The following NPHP4 variants were observed in gnomAD, a reference collection of about 807,000 sequenced individuals.
NPHP4 encodes the protein nephrocystin 4, also known as nephrocystin-4.
NPHP4 carries 151 observed loss-of-function variants against 155.8 expected under a neutral mutation model. The ratio of observed to expected loss-of-function variants is 0.97; its 90% CI spans 0.85 to 1.11. The LOEUF (loss-of-function observed/expected upper bound fraction) is 1.11, where lower values mean the gene tolerates loss of function less well. NPHP4 is among the 50% of genes least tolerant of loss of function. The probability of loss-of-function intolerance (pLI) is 0.00; values close to 1 mark genes in which losing one functional copy is unlikely to be tolerated. For synonymous variants in NPHP4, 845 were observed against 816.8 expected, an observed-to-expected ratio of 1.03 and a Z score of -0.59; for missense variants, 1,956 against 1,925.7, an observed-to-expected ratio of 1.02 and a Z score of -0.29.
At chr1:5,866,097 G>A in intron 26 of NPHP4, 1 of 506,528 alleles carries the variant, frequency 2.0e-6, no homozygotes, top group African/African-American at 1.9e-5. Context: ...GGTGGCCCTT[G>A]CCACTATCTG....
At chr1:5,897,813 T>C (rs940703847) in intron 16 of NPHP4, among the ~76,000 whole-genome samples, 1 of 152,218 alleles carries the variant, frequency 6.6e-6, no homozygotes, top group Non-Finnish European at 1.5e-5. Context: ...ATTGCACATA[T>C]ATAAAAGGGT....
At chr1:5,945,518 C>T (rs934610500) in intron 9 of NPHP4, among the ~76,000 whole-genome samples, 5 of 152,122 alleles carry the variant, frequency 3.3e-5, no homozygotes, top group Admixed American at 1.3e-4. Context: ...TCATAGGGAC[C>T]GGAGGCATGG....
At position 5,957,384 on chromosome 1, in the gene NPHP4, C is replaced by T. The variant is rs542097580; in HGVS notation, c.673+4410G>A. Among the ~76,000 whole-genome samples, 11 of 152,332 alleles carry T rather than the reference C, an allele frequency of 7.2e-5. No individual in the cohort carries two copies. In the South Asian group the frequency reaches 1.2e-3, roughly 17 times the overall value. On this transcript the variant is annotated intron_variant, in intron 6 of 29. Transcript: ENST00000378156. ...CTAGGCCCTAACGGGCTCCCACAGC[C>T]CACAGCCTCTTGGGGACACAGCTCT... is the stretch of plus-strand genomic sequence containing the variant.
chr1:5,964,224 G>C (rs999093944), intron 5 of NPHP4, among the ~76,000 whole-genome samples: 2 of 152,212 alleles, frequency 1.3e-5, no homozygotes, highest in East Asian at 3.8e-4. Context: ...TTCTGTGTCC[G>C]TAAAACGACC....
intron 3 of NPHP4, among the ~76,000 whole-genome samples, chr1:5,970,809 G>C (rs1254701340): frequency 6.6e-6 from 1 of 151,874 alleles, no homozygotes; most frequent in Non-Finnish European, 1.5e-5. Context: ...TGTAATCACA[G>C]ACTGTCAGCC....
At position 5,887,369 on chromosome 1, in the gene NPHP4, T is replaced by TCTC. The variant is rs1344769833; in HGVS notation, c.2399_2401dup (p.Gly800dup). On this transcript the variant is annotated inframe_insertion, in exon 18 of 30. Coordinates refer to ENST00000378156, the MANE Select transcript of NPHP4 (RefSeq NM_015102.5). The stretch of plus-strand genomic sequence containing the variant: ...CTTGACGCGGCCAAACCCCAGCATG[T>TCTC]CTCCACTCACCACCATGTTGTCCTG... The TCTC allele has an allele frequency of 1.9e-6, 3 of 1,613,542 alleles. No individual in the cohort carries two copies. Among genetic ancestry groups the TCTC allele is most frequent in the Non-Finnish European group, 2.5e-6 (3 of 1,179,886 alleles).
chr1:5,977,626 T>C (rs1257652291), intron 3 of NPHP4, among the ~76,000 whole-genome samples: 8 of 151,358 alleles, frequency 5.3e-5, no homozygotes, highest in Admixed American at 5.3e-4. Flanking sequence ...GAGCAGGTGC[T>C]GAATGGAATG....
chr1:5,933,395 A>G (rs1354055963), intron 9 of NPHP4, 66 bp from the exon 10 acceptor site: 1 of 1,318,584 alleles, frequency 7.6e-7, no homozygotes, highest in Admixed American at 1.9e-5. Flanking sequence ...AGGGGAAATC[A>G]ACAGTGCTTT....
intron 11 of NPHP4, among the ~76,000 whole-genome samples, chr1:5,919,280 CCCA>C (rs1645621244): frequency 6.6e-6 from 1 of 152,118 alleles, no homozygotes; most frequent in Non-Finnish European, 1.5e-5. Context: ...TGTAAAACTC[CCCA>C]CAAGTCATTC....
intron 9 of NPHP4, among the ~76,000 whole-genome samples, chr1:5,934,229 T>TA (rs576468963): frequency 2.0e-5 from 3 of 151,962 alleles, no homozygotes; most frequent in Non-Finnish European, 4.4e-5. Context: ...GGAGCACACT[T>TA]AAGTCACCAG....
rs568072796 is a variant in NPHP4, at chr1:5,956,336, A to G, written c.674-3500T>C. Among the ~76,000 whole-genome samples, 336 of 152,340 alleles carry G rather than the reference A, an allele frequency of 2.2e-3. 2 individuals are homozygous for G. The highest frequency in any genetic ancestry group is 7.6e-3 in the African/African-American group (314 of 41,572). ...CACCCCCAGGAGCAAAAGCCATTCC[A>G]ATAGTTGTGACCCTGGTCTGCACAG... On this transcript the variant is annotated intron_variant, in intron 6 of 29. Transcript: ENST00000378156.
At position 5,863,326 on chromosome 1, in the gene NPHP4, T is replaced by C. The variant is rs373315843; in HGVS notation, c.4220A>G (p.Tyr1407Cys). ...GTTTTTGTCCTCATGGTCATTGATG[T>C]AGATCAGGATCTCCTCCTCACCCAC... ...QRVGEEEILI[Y>C]INDHEDKNEE... The change falls in exon 30 of 30, where the codon TAC (tyrosine) becomes TGC (cysteine). Residue 1407 changes from tyrosine to cysteine, a missense_variant. Physicochemically the swap from Tyr to Cys is radical, Grantham distance 194. Transcript: ENST00000378156. 2.5e-6 allele frequency: 4 copies of C among 1,613,828 alleles called. No individual in the cohort carries two copies. The African/African-American group carries it at 4.0e-5, about 16-fold the overall frequency.
intron 9 of NPHP4, among the ~76,000 whole-genome samples, chr1:5,934,644 A>G (rs1282090436): frequency 6.6e-6 from 1 of 152,174 alleles, no homozygotes; most frequent in Admixed American, 6.5e-5. Flanking sequence ...TAAGGCAGCC[A>G]AGGGCATCCC....
intron 18 of NPHP4, among the ~76,000 whole-genome samples, chr1:5,885,886 T>C (rs188614520): frequency 6.6e-6 from 1 of 152,270 alleles, no homozygotes; most frequent in Admixed American, 6.5e-5. Context: ...ATGCGCAGAG[T>C]GCTGCGGGTG....
intron 6 of NPHP4, among the ~76,000 whole-genome samples, chr1:5,956,059 T>TGG (rs35135056): frequency 0.054 from 5,684 of 104,490 alleles, 347 homozygotes; most frequent in Non-Finnish European, 0.076. Context: ...TTCAAAAAGC[T>TGG]GGGGGGGGGG....
At chr1:5,898,048 G>C (rs1411223562) in intron 16 of NPHP4, among the ~76,000 whole-genome samples, 1 of 152,226 alleles carries the variant, frequency 6.6e-6, no homozygotes, top group Non-Finnish European at 1.5e-5. Flanking sequence ...GTGGCCCGGA[G>C]CAGGACTGGA....
chr1:5,916,395 TAA>T (rs1269673125), intron 11 of NPHP4, among the ~76,000 whole-genome samples: 1 of 152,192 alleles, frequency 6.6e-6, no homozygotes, highest in African/African-American at 2.4e-5. Context: ...AGTGGGTATT[TAA>T]AAGTCTCTTA....
At chr1:5,904,491 C>A in intron 16 of NPHP4, 126 bp downstream of exon 16, 3 of 707,212 alleles carry the variant, frequency 4.2e-6, no homozygotes, top group Non-Finnish European at 6.7e-6. Flanking sequence ...GCACTGGTCA[C>A]CGTATGATTC....
chr1:5,926,987 C>T (rs1224942102), intron 11 of NPHP4, among the ~76,000 whole-genome samples: 1 of 152,228 alleles, frequency 6.6e-6, no homozygotes, highest in Non-Finnish European at 1.5e-5. Context: ...CTCCAACACT[C>T]CCTCGTACCT....
Sources: allele counts gnomAD v4.1 joint callset (sites outside exome capture counted in the v4.1 genomes callset), GRCh38; gene constraint gnomAD v4.1.1; transcripts MANE v1.5; gene names NCBI Gene and HGNC (gene_info 2026-07-23, HGNC 2026-07-21).